The following SHANK2 variants were observed in gnomAD, a reference collection of about 807,000 sequenced individuals.
The protein encoded by SHANK2 is SH3 and multiple ankyrin repeat domains protein 2.
A neutral mutation model predicts 133.7 loss-of-function variants in SHANK2; 43 were observed. The observed-to-expected ratio is 0.32, with a 90% CI of 0.25 to 0.41. The LOEUF (loss-of-function observed/expected upper bound fraction) is 0.41. Ranked by LOEUF, SHANK2 falls within the 10% of genes least tolerant of loss-of-function variation. The probability of loss-of-function intolerance (pLI) is 1.00; values close to 1 mark genes in which losing one functional copy is unlikely to be tolerated. For synonymous variants in SHANK2, 1,017 were observed against 952.8 expected, an observed-to-expected ratio of 1.07 and a Z score of -1.24; for missense variants, 1,994 against 2,235.8, an observed-to-expected ratio of 0.89 and a Z score of 2.18.
intron 14 of SHANK2, among the ~76,000 whole-genome samples, chr11:70,762,122 T>C (rs72933221): frequency 0.029 from 4,359 of 152,328 alleles, 97 homozygotes; most frequent in Middle Eastern, 0.12. Context: ...TTCCTCAATC[T>C]GCCAATGCTC....
intron 4 of SHANK2, 70 bp from the exon 5 acceptor site, chr11:71,113,434 G>A: frequency 7.1e-7 from 1 of 1,406,880 alleles, no homozygotes. Context: ...AGGGAAAACG[G>A]GCCTTTTCCT....
chr11:71,085,628 A>G (rs1281614386), intron 8 of SHANK2, among the ~76,000 whole-genome samples: 6 of 69,292 alleles, frequency 8.7e-5, no homozygotes, highest in African/African-American at 1.2e-4. Flanking sequence ...ATTATATATT[A>G]TAATATATAT....
chr11:70,804,294 TGTGCGG>T lies in SHANK2; in HGVS notation c.1663+2702_1663+2707del, dbSNP rs1249332125. Among the ~76,000 whole-genome samples, 1 of 152,118 alleles carries T rather than the reference TGTGCGG, an allele frequency of 6.6e-6. No individual in the cohort carries two copies. The highest frequency in any genetic ancestry group is 6.5e-5 in the Admixed American group (1 of 15,284). ...AGCACTGCCATGCAGGCAGCAAGGA[TGTGCGG>T]GCCACCCCACGATGGGGAGGAGGCA... On this transcript the variant is annotated intron_variant, in intron 13 of 25. Coordinates refer to ENST00000601538, the MANE Select transcript of SHANK2 (RefSeq NM_012309.5). This position sits in a 1 kb window ranked among gnomAD's most constrained non-coding sequence, Gnocchi z 4.1.
chr11:70,499,313 G>A (rs1456012567), intron 21 of SHANK2, among the ~76,000 whole-genome samples: 1 of 152,252 alleles, frequency 6.6e-6, no homozygotes, highest in Non-Finnish European at 1.5e-5. Flanking sequence ...TATATCTGGG[G>A]TTGAGGCTCT....
intron 17 of SHANK2, chr11:70,631,184 C>G (rs1460985832): frequency 6.6e-6 from 1 of 152,326 alleles, no homozygotes; most frequent in African/African-American, 2.4e-5. Context: ...GGCGGGCCCC[C>G]ATCCAGGAGG....
At chr11:71,130,330 G>C (rs1423635572) in intron 3 of SHANK2, among the ~76,000 whole-genome samples, 1 of 152,168 alleles carries the variant, frequency 6.6e-6, no homozygotes, top group Non-Finnish European at 1.5e-5. Context: ...CAGCAAACCA[G>C]CGCCGAAAAG....
intron 14 of SHANK2, among the ~76,000 whole-genome samples, chr11:70,718,493 T>C (rs1946000751): frequency 6.6e-6 from 1 of 152,080 alleles, no homozygotes; most frequent in Non-Finnish European, 1.5e-5. Flanking sequence ...TCCATGGACA[T>C]GCTGCAGATT....
chr11:70,657,358 C>T (rs888755025), intron 17 of SHANK2, among the ~76,000 whole-genome samples: 1 of 152,184 alleles, frequency 6.6e-6, no homozygotes, highest in Admixed American at 6.5e-5. Context: ...AAGCTCTTCA[C>T]TAAAAATAGA....
At chr11:70,522,025 G>A (rs1224910554) in intron 17 of SHANK2, among the ~76,000 whole-genome samples, 1 of 152,202 alleles carries the variant, frequency 6.6e-6, no homozygotes, top group Non-Finnish European at 1.5e-5. Context: ...TGGGGTTGCT[G>A]GCTCTAACGG....
intron 1 of SHANK2, among the ~76,000 whole-genome samples, chr11:71,233,096 G>A (rs1954770678): frequency 2.0e-5 from 3 of 151,986 alleles, no homozygotes; most frequent in Admixed American, 1.3e-4. Flanking sequence ...AGGGTGGCTT[G>A]AGCCCATAAG....
chr11:70,620,748 A>G (rs559671108), intron 17 of SHANK2, among the ~76,000 whole-genome samples: 1 of 152,300 alleles, frequency 6.6e-6, no homozygotes, highest in Non-Finnish European at 1.5e-5. Flanking sequence ...TAGTGTCCTT[A>G]TAAGAAGAAA....
intron 10 of SHANK2, among the ~76,000 whole-genome samples, chr11:70,933,967 C>G (rs1251065989): frequency 6.6e-6 from 1 of 151,496 alleles, no homozygotes; most frequent in Non-Finnish European, 1.5e-5. Context: ...CGCAGTGGCT[C>G]ATGCCTATTA....
chr11:71,091,422 G>T (rs1161254966), intron 8 of SHANK2, among the ~76,000 whole-genome samples: 2 of 152,180 alleles, frequency 1.3e-5, no homozygotes, highest in African/African-American at 4.8e-5. Flanking sequence ...TCCCTTACAG[G>T]TGTGTAAGGT....
chr11:70,758,610 G>A (rs10793286), intron 14 of SHANK2, among the ~76,000 whole-genome samples: 62,420 of 152,122 alleles, frequency 0.41, 14,043 homozygotes, highest in East Asian at 0.59. Context: ...AGGAACAAGA[G>A]GCTTGCCACC....
chr11:70,548,717 A>T (rs1200261687), intron 17 of SHANK2, among the ~76,000 whole-genome samples: 1 of 152,002 alleles, frequency 6.6e-6, no homozygotes, highest in Non-Finnish European at 1.5e-5. Context: ...CCATGTCCTA[A>T]CCCCCGGAGC....
In SHANK2 at chr11:70,471,239, T is replaced by A. The variant is rs1266799411; in HGVS notation, c.*1630A>T. The A allele has an allele frequency of 2.5e-6, 1 of 398,318 alleles. No individual in the cohort carries two copies. The highest frequency in any genetic ancestry group is 2.1e-5 in the African/African-American group (1 of 48,436). 24.7% of individuals were successfully genotyped at this position (398,318 alleles called of 1,614,324 possible). A position where few individuals can be genotyped will look rare whatever the true frequency, so the allele number is the denominator to read the frequency against. On this transcript the variant is annotated 3_prime_UTR_variant, in exon 26 of 26. Transcript: ENST00000601538. This position sits in a 1 kb window ranked among gnomAD's most constrained non-coding sequence, Gnocchi z 4.1. ...ATTTTATGTGTTCATTCTAGAGCTGTTCCAGACCTAATCAAGAAAAAAAGG... is the reference window on the plus strand; with the variant it reads ...ATTTTATGTGTTCATTCTAGAGCTGATCCAGACCTAATCAAGAAAAAAAGG...
At chr11:71,079,881 G>A (rs1159528464) in intron 8 of SHANK2, among the ~76,000 whole-genome samples, 1 of 64,806 alleles carries the variant, frequency 1.5e-5, no homozygotes, top group South Asian at 1.0e-3. Flanking sequence ...GGAAGGGAGG[G>A]GAGGGGAGGG....
chr11:70,580,544 C>T (rs980135077), intron 17 of SHANK2, among the ~76,000 whole-genome samples: 2 of 152,222 alleles, frequency 1.3e-5, no homozygotes, highest in Non-Finnish European at 1.5e-5. Context: ...TGGGTCTGCT[C>T]GGTGTTGCCA....
intron 12 of SHANK2, among the ~76,000 whole-genome samples, chr11:70,811,934 T>A (rs1555053301): frequency 1.3e-5 from 2 of 152,242 alleles, no homozygotes; most frequent in African/African-American, 2.4e-5. Flanking sequence ...GAAGCCCAGC[T>A]GAACACTTAC....
Sources: allele counts gnomAD v4.1 joint callset (sites outside exome capture counted in the v4.1 genomes callset), GRCh38; gene constraint gnomAD v4.1.1; non-coding constraint Gnocchi (gnomAD v3.1); transcripts MANE v1.5; gene names NCBI Gene and HGNC (gene_info 2026-07-23, HGNC 2026-07-21).